WWOX: variants seen among roughly 807,000 people sequenced by gnomAD.
WWOX encodes the protein WW domain containing oxidoreductase, also known as WW domain-containing oxidoreductase.
WWOX carries 69 observed loss-of-function variants against 46.2 expected under a neutral mutation model. That is an observed-to-expected ratio of 1.49 (90% CI 1.23 to 1.82). The LOEUF is 1.82. Among genes scored for constraint, WWOX ranks in the 40% most tolerant of loss-of-function variants. The pLI, the probability that WWOX is intolerant of heterozygous loss-of-function variation, is 0.00. For synonymous variants in WWOX, 359 were observed against 202.6 expected, an observed-to-expected ratio of 1.77 and a Z score of -6.56; for missense variants, 919 against 542.6, an observed-to-expected ratio of 1.69 and a Z score of -6.89.
chr16:78,421,651 A>G (rs531376213), intron 6 of WWOX, among the ~76,000 whole-genome samples: 2 of 152,276 alleles, frequency 1.3e-5, no homozygotes, highest in Admixed American at 1.3e-4. Context: ...TATGAAAAGG[A>G]TGGGAGGTTG....
chr16:78,157,923 T>C (rs959885004), intron 4 of WWOX, among the ~76,000 whole-genome samples: 10 of 152,244 alleles, frequency 6.6e-5, no homozygotes, highest in Admixed American at 2.6e-4. Flanking sequence ...AACTAACATT[T>C]GTTTTCCACC....
intron 5 of WWOX, 45 bp from the exon 6 acceptor site, chr16:78,386,815 C>T (rs1316593937): frequency 2.6e-6 from 4 of 1,539,210 alleles, no homozygotes; most frequent in East Asian, 2.2e-5. Flanking sequence ...CCATGAACTA[C>T]ACTTGCTGTT....
At chr16:79,057,289 G>A (rs2048280912) in intron 8 of WWOX, among the ~76,000 whole-genome samples, 1 of 152,198 alleles carries the variant, frequency 6.6e-6, no homozygotes, top group African/African-American at 2.4e-5. Context: ...ATTCTCCCCA[G>A]CATGGGGGCA....
intron 8 of WWOX, among the ~76,000 whole-genome samples, chr16:78,457,105 T>C (rs114492574): frequency 0.012 from 1,883 of 152,340 alleles, 38 homozygotes; most frequent in African/African-American, 0.043. Flanking sequence ...GAATTGGCAG[T>C]GTTCAGACAG....
intron 5 of WWOX, among the ~76,000 whole-genome samples, chr16:78,165,974 T>G (rs1028887127): frequency 2.6e-5 from 4 of 152,092 alleles, no homozygotes; most frequent in Non-Finnish European, 4.4e-5. Context: ...TAGTAGCAAT[T>G]TTTAGGGATG....
rs185887219 is a variant in WWOX at position 78,646,936 on chromosome 16, G to C, written c.1056+214184G>C. On this transcript the variant is annotated intron_variant, in intron 8 of 8. Coordinates refer to ENST00000566780, the MANE Select transcript of WWOX (RefSeq NM_016373.4). ...CTAGCTGAAGCGAGGTGGGTTGGAG[G>C]GGGGATGCCTTGTGGAAGTGACAAC... 1.8e-3 allele frequency among the ~76,000 whole-genome samples: 274 copies of C among 152,258 alleles called. 2 individuals carry two copies. The highest frequency in any genetic ancestry group is 6.3e-3 in the African/African-American group (263 of 41,554).
intron 7 of WWOX, 147 bp downstream of exon 7, chr16:78,425,202 T>A: frequency 9.4e-7 from 1 of 1,064,588 alleles, no homozygotes; most frequent in Non-Finnish European, 1.4e-6. Context: ...TTTTTCCAGG[T>A]CTTTTTTGTT....
At chr16:79,074,872 T>C (rs745604167) in intron 8 of WWOX, among the ~76,000 whole-genome samples, 3 of 120,858 alleles carry the variant, frequency 2.5e-5, no homozygotes, top group South Asian at 5.7e-4. Flanking sequence ...AGTTTTTAGA[T>C]ACAGAACCTT....
intron 8 of WWOX, among the ~76,000 whole-genome samples, chr16:78,702,007 T>TTTTATATATATATA (rs1555519491): frequency 5.2e-5 from 3 of 57,628 alleles, no homozygotes; most frequent in African/African-American, 6.6e-5. Context: ...CTACATAAAA[T>TTTTATATATATATA]TATATATATA....
At chr16:78,576,244 A>C (rs1298931755) in intron 8 of WWOX, among the ~76,000 whole-genome samples, 1 of 152,152 alleles carries the variant, frequency 6.6e-6, no homozygotes, top group Non-Finnish European at 1.5e-5. Flanking sequence ...CAGTTCTTCT[A>C]TGTTTCACCA....
chr16:78,447,654 T>A lies in WWOX; in HGVS notation c.1056+14902T>A, dbSNP rs529466829. Among the ~76,000 whole-genome samples the A allele has an allele frequency of 4.6e-5, 7 of 152,330 alleles. No individual in the cohort carries two copies. The East Asian group carries it at 1.2e-3, about 25-fold the overall frequency. ...GGAAGGAAATGCAAAAGTGGACATTTACTCGAGAAAGAATAAAGAAACCAT... is the reference window on the plus strand; with the variant it reads ...GGAAGGAAATGCAAAAGTGGACATTAACTCGAGAAAGAATAAAGAAACCAT... On this transcript the variant is annotated intron_variant, in intron 8 of 8. Coordinates refer to ENST00000566780, the MANE Select transcript of WWOX (RefSeq NM_016373.4).
intron 8 of WWOX, among the ~76,000 whole-genome samples, chr16:78,662,687 T>G: frequency 6.6e-6 from 1 of 152,202 alleles, no homozygotes; most frequent in Non-Finnish European, 1.5e-5. Flanking sequence ...TGAGCCTGGT[T>G]CAGCATCTCT....
At chr16:78,787,914 A>G (rs2050496309) in intron 8 of WWOX, among the ~76,000 whole-genome samples, 1 of 151,994 alleles carries the variant, frequency 6.6e-6, no homozygotes. Context: ...GAGTATTTTT[A>G]TGTGGTTATT....
intron 8 of WWOX, among the ~76,000 whole-genome samples, chr16:78,757,915 A>C (rs2142477338): frequency 6.6e-6 from 1 of 151,960 alleles, no homozygotes; most frequent in African/African-American, 2.4e-5. Context: ...TCCTAATAAT[A>C]TCACCTTGGA....
rs74628349 is a variant in WWOX, at chr16:78,757,914, T to C, written c.1056+325162T>C. 9.7e-4 allele frequency among the ~76,000 whole-genome samples: 147 copies of C among 152,116 alleles called. 1 individual carries two copies. The East Asian group carries it at 0.026, about 26-fold the overall frequency. On this transcript the variant is annotated intron_variant, in intron 8 of 8. Transcript: ENST00000566780. ...TCCTAAAGGCTCCCCCTCCTAATAA[T>C]ATCACCTTGGAGATTAGGGTTTCCA...
At chr16:78,125,614 C>T (rs925595502) in intron 4 of WWOX, among the ~76,000 whole-genome samples, 1 of 152,102 alleles carries the variant, frequency 6.6e-6, no homozygotes, top group Non-Finnish European at 1.5e-5. Context: ...GTAAACCCAG[C>T]CCTTTGGGAG....
Position 78,115,082 on chromosome 16 carries a change from G to A in WWOX, c.337G>A (p.Ala113Thr). 3 of 1,614,174 alleles carry A rather than the reference G, an allele frequency of 1.9e-6. No individual in the cohort carries two copies. The highest frequency in any genetic ancestry group is 2.5e-6 in the Non-Finnish European group (3 of 1,180,026). The change falls in exon 4 of 9, where the codon GCC becomes ACC. Residue 113 changes from alanine to threonine, a missense_variant. Transcript: ENST00000566780. ...TRQRYDGSTTAMEILQGRDFT... is the reference protein window; with the variant it reads ...TRQRYDGSTTTMEILQGRDFT... ...GCAAAGATACGACGGCAGCACCACT[G>A]CCATGGAAATTCTCCAGGGCCGGGA...
intron 8 of WWOX, among the ~76,000 whole-genome samples, chr16:78,753,825 A>AAAAATAT (rs2049556906): frequency 4.7e-5 from 1 of 21,356 alleles, no homozygotes; most frequent in Non-Finnish European, 1.2e-4. Flanking sequence ...AAAAAAAAAA[A>AAAAATAT]ATATATATAT....
chr16:78,340,017 T>TGGGC (rs1555522669), intron 5 of WWOX, among the ~76,000 whole-genome samples: 1 of 6,796 alleles, frequency 1.5e-4, no homozygotes, highest in African/African-American at 3.9e-4. Context: ...ATGGATTTGG[T>TGGGC]GGGGGGGGGG....
Sources: gnomAD v4.1 joint callset for allele counts (sites outside exome capture counted in the v4.1 genomes callset) on GRCh38, gnomAD v4.1.1 for gene constraint, MANE v1.5 for transcripts, NCBI Gene and HGNC (gene_info 2026-07-23, HGNC 2026-07-21) for gene names.